ALPK1: variants seen among roughly 807,000 people sequenced by gnomAD.
ALPK1 encodes alpha-protein kinase 1.
Under a neutral mutation model 120.6 loss-of-function variants are expected in ALPK1, and 110 were observed. That is an observed-to-expected ratio of 0.91 (90% confidence interval 0.78 to 1.07). The LOEUF is 1.07. ALPK1 is among the 50% of genes least tolerant of loss of function. The pLI, the probability that ALPK1 is intolerant of heterozygous loss-of-function variation, is 0.00. For synonymous variants in ALPK1, 582 were observed against 560.3 expected (o/e 1.04, Z -0.55); for missense variants, 1,498 against 1,483.9 (o/e 1.01, Z -0.16).
rs566220585 is a variant in ALPK1 at position 112,416,895 on chromosome 4, T to C, written c.475+4870T>C. Among the ~76,000 whole-genome samples the C allele has an allele frequency of 1.3e-3, 196 of 146,382 alleles. 3 individuals are homozygous for C. Among genetic ancestry groups the C allele is most frequent in the Middle Eastern group, 3.5e-3 (1 of 282 alleles). ...TGTCTCAAAAAAAAAAAAAAAAAACTTTTTAAATAAATTCAAGACCATACC... is the reference window on the plus strand; with the variant it reads ...TGTCTCAAAAAAAAAAAAAAAAAACCTTTTAAATAAATTCAAGACCATACC... On this transcript the variant is annotated intron_variant, in intron 5 of 15. Coordinates refer to ENST00000650871, the MANE Select transcript of ALPK1 (RefSeq NM_025144.4).
chr4:112,349,061 T>G (rs923147243), intron 2 of ALPK1, among the ~76,000 whole-genome samples: 4 of 152,126 alleles, frequency 2.6e-5, no homozygotes, highest in Non-Finnish European at 5.9e-5. Flanking sequence ...TTTTGTTTTT[T>G]TTTTGTCTTG....
intron 4 of ALPK1, among the ~76,000 whole-genome samples, chr4:112,407,693 G>A (rs961481395): frequency 6.6e-6 from 1 of 152,186 alleles, no homozygotes; most frequent in Non-Finnish European, 1.5e-5. Context: ...TATACAAGTG[G>A]AAACCATTAT....
intron 2 of ALPK1, among the ~76,000 whole-genome samples, chr4:112,367,984 C>T (rs1731233263): frequency 6.6e-6 from 1 of 152,202 alleles, no homozygotes; most frequent in Admixed American, 6.5e-5. Context: ...TCACTCCAAC[C>T]TCTGGCTCCC....
intron 2 of ALPK1, among the ~76,000 whole-genome samples, chr4:112,351,972 T>G (rs1339708112): frequency 6.6e-6 from 1 of 152,212 alleles, no homozygotes; most frequent in Non-Finnish European, 1.5e-5. Flanking sequence ...ACTAGAATTC[T>G]TTTACTCACT....
At chr4:112,396,897 C>T (rs1732675376) in intron 4 of ALPK1, among the ~76,000 whole-genome samples, 1 of 152,168 alleles carries the variant, frequency 6.6e-6, no homozygotes, top group Non-Finnish European at 1.5e-5. Context: ...TGTACCTCAG[C>T]TTCCCAAGTA....
At position 112,399,515 on chromosome 4, in the gene ALPK1, G is replaced by A. The variant is rs558454145; in HGVS notation, c.277-12312G>A. 1.4e-4 allele frequency among the ~76,000 whole-genome samples: 22 copies of A among 152,240 alleles called. 1 individual carries two copies. The highest frequency in any genetic ancestry group is 3.8e-4 in the African/African-American group (16 of 41,562). The stretch of plus-strand genomic sequence containing the variant: ...TAGACAACTCTTTTGGGATTGGCTA[G>A]AAAGGGCAGCAGAGAAATGGGATAG... On this transcript the variant is annotated intron_variant, in intron 4 of 15. Transcript: ENST00000650871.
chr4:112,359,765 C>T (rs1264014252), intron 2 of ALPK1: 4 of 412,334 alleles, frequency 9.7e-6, no homozygotes, highest in African/African-American at 6.4e-5. Context: ...CCAACCTGCA[C>T]ACTGCCTCCA....
At chr4:112,359,133 C>A in intron 2 of ALPK1, 1 of 696,310 alleles carries the variant, frequency 1.4e-6, no homozygotes. Context: ...GGCCCAGCAG[C>A]TGGATCCCAG....
intron 14 of ALPK1, among the ~76,000 whole-genome samples, 166 bp downstream of exon 14, chr4:112,440,038 A>G (rs1320171045): frequency 2.6e-5 from 4 of 152,348 alleles, no homozygotes; most frequent in African/African-American, 7.2e-5. Flanking sequence ...CCTGAAAGAA[A>G]AATATGCCCA....
chr4:112,305,031 G>C lies in ALPK1; in HGVS notation c.-153+7562G>C, dbSNP rs186094347. Among the ~76,000 whole-genome samples, 155 of 152,084 alleles carry C rather than the reference G, an allele frequency of 1.0e-3. 1 individual carries two copies. Among genetic ancestry groups the C allele is most frequent in the African/African-American group, 3.4e-3 (141 of 41,450 alleles). On this transcript the variant is annotated intron_variant, in intron 1 of 15. Transcript: ENST00000650871. The stretch of plus-strand genomic sequence containing the variant: ...ACTCCTTTCCCCATTTCTTGTTTTT[G>C]TCAGGTTTGTCAAAGATCAGATGGT...
chr4:112,378,008 G>A, intron 3 of ALPK1, 110 bp downstream of exon 3: 2 of 1,232,296 alleles, frequency 1.6e-6, no homozygotes, highest in Non-Finnish European at 2.1e-6. Context: ...CTTGGCAGAT[G>A]ACCACCGAGA....
At chr4:112,304,704 T>C (rs984926937) in intron 1 of ALPK1, among the ~76,000 whole-genome samples, 1 of 152,144 alleles carries the variant, frequency 6.6e-6, no homozygotes, top group Non-Finnish European at 1.5e-5. Context: ...GTAGGTTGCC[T>C]GTTCACTCTG....
rs181617842 is a variant in ALPK1, at chr4:112,380,300, C to T, written c.122-2098C>T. Among the ~76,000 whole-genome samples, 401 of 152,282 alleles carry T rather than the reference C, an allele frequency of 2.6e-3. 2 individuals carry two copies. Among genetic ancestry groups the T allele is most frequent in the African/African-American group, 9.2e-3 (384 of 41,558 alleles). On this transcript the variant is annotated intron_variant, in intron 3 of 15. Coordinates refer to ENST00000650871, the MANE Select transcript of ALPK1 (RefSeq NM_025144.4). ...AGTGGCTGTAAGAGGGTCAGGTTTTCCAGCAGAATGTGGCCACCTAAGTCC... is the reference window on the plus strand; with the variant it reads ...AGTGGCTGTAAGAGGGTCAGGTTTTTCAGCAGAATGTGGCCACCTAAGTCC...
intron 2 of ALPK1, among the ~76,000 whole-genome samples, chr4:112,346,161 C>T (rs1730093238): frequency 6.6e-6 from 1 of 152,224 alleles, no homozygotes; most frequent in African/African-American, 2.4e-5. Flanking sequence ...CCACGTCCAG[C>T]TGATATGAAC....
At chr4:112,324,556 C>T (rs368588713) in intron 2 of ALPK1, among the ~76,000 whole-genome samples, 6 of 152,072 alleles carry the variant, frequency 3.9e-5, no homozygotes, top group East Asian at 3.9e-4. Flanking sequence ...TAATTCACTG[C>T]GACCTCAAAC....
chr4:112,395,777 C>G (rs764321581), intron 4 of ALPK1, among the ~76,000 whole-genome samples: 1 of 152,094 alleles, frequency 6.6e-6, no homozygotes, highest in African/African-American at 2.4e-5. Context: ...ATTTTAATGA[C>G]GGTCACAGTT....
chr4:112,336,829 A>C (rs982277478), intron 2 of ALPK1, among the ~76,000 whole-genome samples: 2 of 152,186 alleles, frequency 1.3e-5, no homozygotes, highest in South Asian at 4.1e-4. Context: ...ACACATTTCC[A>C]AAGAATTTGG....
At chr4:112,350,806 T>A (rs1166418884) in intron 2 of ALPK1, among the ~76,000 whole-genome samples, 1 of 152,226 alleles carries the variant, frequency 6.6e-6, no homozygotes, top group East Asian at 1.9e-4. Flanking sequence ...TCTCAGAGAA[T>A]ACATCTCAAG....
intron 4 of ALPK1, 22 bp from the exon 5 acceptor site, chr4:112,411,805 A>G: frequency 6.3e-7 from 1 of 1,595,278 alleles, no homozygotes; most frequent in Non-Finnish European, 8.5e-7. Flanking sequence ...CTGGCTCACG[A>G]TGTTCCACGC....
Sources: gnomAD v4.1 joint callset for allele counts (sites outside exome capture counted in the v4.1 genomes callset) on GRCh38, gnomAD v4.1.1 for gene constraint, MANE v1.5 for transcripts, NCBI Gene and HGNC (gene_info 2026-07-23, HGNC 2026-07-21) for gene names.